Variants in MYRIP observed in about 807,000 individuals in gnomAD.
MYRIP encodes myosin VIIA and Rab interacting protein, also known as rab effector MyRIP.
Under a neutral mutation model 98.0 loss-of-function variants are expected in MYRIP, and 49 were observed. The observed-to-expected ratio is 0.50, with a 90% CI of 0.40 to 0.63. The LOEUF is 0.63. Ranked by LOEUF, MYRIP falls within the 30% of genes least tolerant of loss-of-function variation. The probability of loss-of-function intolerance (pLI) is 0.00; values close to 1 mark genes in which losing one functional copy is unlikely to be tolerated. For synonymous variants in MYRIP, 404 were observed against 409.5 expected, an observed-to-expected ratio of 0.99 and a Z score of 0.16; for missense variants, 1,004 against 1,058.2, an observed-to-expected ratio of 0.95 and a Z score of 0.71.
chr3:39,910,554 C>G (rs1943996229), intron 2 of MYRIP, among the ~76,000 whole-genome samples: 1 of 152,114 alleles, frequency 6.6e-6, no homozygotes, highest in Non-Finnish European at 1.5e-5. Flanking sequence ...TATGTCTTAT[C>G]CAAATTGGGG....
chr3:40,010,317 C>T (rs1946733817), intron 2 of MYRIP, among the ~76,000 whole-genome samples: 1 of 152,212 alleles, frequency 6.6e-6, no homozygotes, highest in African/African-American at 2.4e-5. Context: ...CTGAGAGTGG[C>T]AGCTGAGGGG....
rs1233921222 is a variant in MYRIP, at chr3:40,204,032, T to A, written c.1666-5822T>A. On this transcript the variant is annotated intron_variant, in intron 10 of 16. Transcript: ENST00000302541. ...TTATATATAATATATATTATATATA[T>A]TATATATTATATATAATATATTTAT... 8.5e-4 allele frequency among the ~76,000 whole-genome samples: 5 copies of A among 5,886 alleles called. 1 individual carries two copies. Among genetic ancestry groups the A allele is most frequent in the Non-Finnish European group, 1.5e-3 (4 of 2,626 alleles). The allele number at this position is 5,886 out of a possible 152,430, so 3.9% of individuals were successfully genotyped here.
At chr3:40,223,799 G>A (rs1490660819) in intron 11 of MYRIP, among the ~76,000 whole-genome samples, 3 of 152,154 alleles carry the variant, frequency 2.0e-5, no homozygotes, top group South Asian at 2.1e-4. Context: ...CCCTGAGCTC[G>A]TGGAACTTAC....
intron 3 of MYRIP, among the ~76,000 whole-genome samples, chr3:40,060,579 C>CT (rs1046451919): frequency 2.7e-4 from 26 of 96,222 alleles, no homozygotes; most frequent in Admixed American, 1.1e-3. Flanking sequence ...ATTAGATTTT[C>CT]TTTTTTTTTC....
chr3:39,813,079 C>T (rs921829884), intron 1 of MYRIP, among the ~76,000 whole-genome samples: 1 of 152,172 alleles, frequency 6.6e-6, no homozygotes, highest in Non-Finnish European at 1.5e-5. Flanking sequence ...GAGAAGCAAG[C>T]TTTGGTCGCC....
At chr3:39,962,658 G>T (rs1344752075) in intron 2 of MYRIP, among the ~76,000 whole-genome samples, 1 of 152,074 alleles carries the variant, frequency 6.6e-6, no homozygotes, top group South Asian at 2.1e-4. Context: ...CAAAGCATTA[G>T]CCCAGAGTGT....
intron 3 of MYRIP, among the ~76,000 whole-genome samples, chr3:40,070,302 G>T (rs1948198554): frequency 1.3e-5 from 2 of 152,150 alleles, no homozygotes; most frequent in African/African-American, 4.8e-5. Flanking sequence ...TGGCCTCATA[G>T]TATTTCACAG....
At chr3:40,038,500 C>A (rs916801532) in intron 2 of MYRIP, among the ~76,000 whole-genome samples, 1 of 151,898 alleles carries the variant, frequency 6.6e-6, no homozygotes, top group Non-Finnish European at 1.5e-5. Flanking sequence ...AATAAGTAAA[C>A]CTCTGAACTT....
At chr3:39,954,675 G>C (rs987302274) in intron 2 of MYRIP, among the ~76,000 whole-genome samples, 1 of 152,140 alleles carries the variant, frequency 6.6e-6, no homozygotes. Context: ...GAATGCTTCT[G>C]ACGAGTTGAC....
chr3:39,875,743 G>A (rs1942970960), intron 1 of MYRIP, among the ~76,000 whole-genome samples: 1 of 151,132 alleles, frequency 6.6e-6, no homozygotes, highest in South Asian at 2.1e-4. Context: ...CATTTGCTGA[G>A]GAGAGCTTTA....
At chr3:40,052,258 A>G (rs1947808259) in intron 3 of MYRIP, among the ~76,000 whole-genome samples, 1 of 151,864 alleles carries the variant, frequency 6.6e-6, no homozygotes, top group South Asian at 2.1e-4. Context: ...CCACTTTTTT[A>G]GCGCCCACAT....
intron 12 of MYRIP, among the ~76,000 whole-genome samples, chr3:40,241,121 A>T (rs1952998996): frequency 6.6e-6 from 1 of 152,214 alleles, no homozygotes; most frequent in Admixed American, 6.5e-5. Flanking sequence ...TGTGAATAGT[A>T]GGACTGCCAC....
At chr3:40,061,773 A>C (rs1487588518) in intron 3 of MYRIP, among the ~76,000 whole-genome samples, 1 of 151,914 alleles carries the variant, frequency 6.6e-6, no homozygotes, top group East Asian at 1.9e-4. Flanking sequence ...TTGTTTGTTT[A>C]ACTTTTTATA....
At chr3:39,948,568 T>C (rs1320353499) in intron 2 of MYRIP, among the ~76,000 whole-genome samples, 1 of 152,054 alleles carries the variant, frequency 6.6e-6, no homozygotes, top group African/African-American at 2.4e-5. Context: ...GATTAAACAT[T>C]GGTGAAGATT....
At chr3:40,186,056 T>C (rs1951027161) in intron 9 of MYRIP, among the ~76,000 whole-genome samples, 1 of 152,000 alleles carries the variant, frequency 6.6e-6, no homozygotes, top group African/African-American at 2.4e-5. Context: ...AAATAAACTA[T>C]AATATAGTTT....
chr3:40,005,398 T>C (rs1483624943), intron 2 of MYRIP, among the ~76,000 whole-genome samples: 1 of 152,278 alleles, frequency 6.6e-6, no homozygotes, highest in Non-Finnish European at 1.5e-5. Flanking sequence ...CAGGCATAGA[T>C]ATGCCATCAG....
chr3:40,092,629 G>A (rs1948752412), intron 3 of MYRIP, among the ~76,000 whole-genome samples: 1 of 152,144 alleles, frequency 6.6e-6, no homozygotes. Context: ...TGCTAAGTAT[G>A]TCATATACAT....
At chr3:40,211,367 A>G (rs577833425) in intron 11 of MYRIP, among the ~76,000 whole-genome samples, 1 of 152,156 alleles carries the variant, frequency 6.6e-6, no homozygotes, top group Non-Finnish European at 1.5e-5. Context: ...GGTCCTGTGG[A>G]GGATGAAGTG....
intron 12 of MYRIP, among the ~76,000 whole-genome samples, chr3:40,240,290 A>G (rs992396051): frequency 3.3e-5 from 5 of 152,214 alleles, no homozygotes; most frequent in African/African-American, 1.2e-4. Context: ...TACCAGTACC[A>G]TGCTGTTTTG....
Sources: allele counts gnomAD v4.1 joint callset (sites outside exome capture counted in the v4.1 genomes callset), GRCh38; gene constraint gnomAD v4.1.1; transcripts MANE v1.5; gene names NCBI Gene and HGNC (gene_info 2026-07-23, HGNC 2026-07-21).